CARMIL1: variants seen among roughly 807,000 people sequenced by gnomAD.
The protein encoded by CARMIL1 is capping protein regulator and myosin 1 linker 1.
A neutral mutation model predicts 177.1 loss-of-function variants in CARMIL1; 90 were observed. That is an observed-to-expected ratio of 0.51 (90% CI 0.43 to 0.61). The LOEUF is 0.61. Among genes scored for constraint, CARMIL1 ranks in the 20% least tolerant of loss-of-function variants. The pLI, the probability that CARMIL1 is intolerant of heterozygous loss-of-function variation, is 0.00. For missense variants in CARMIL1, 1,380 were observed against 1,667.0 expected (o/e 0.83, Z 3.00); for synonymous variants, 577 against 606.2 (o/e 0.95, Z 0.71).
intron 13 of CARMIL1, among the ~76,000 whole-genome samples, chr6:25,490,775 G>A (rs373634121): frequency 6.6e-6 from 1 of 152,008 alleles, no homozygotes; most frequent in Non-Finnish European, 1.5e-5. Context: ...GTCATTCTGT[G>A]TGTATGGTTA....
intron 2 of CARMIL1, among the ~76,000 whole-genome samples, chr6:25,354,765 G>A (rs1186522719): frequency 6.6e-6 from 1 of 152,164 alleles, no homozygotes; most frequent in Non-Finnish European, 1.5e-5. Flanking sequence ...TGACCTCATC[G>A]AAGACTTTTC....
chr6:25,348,345 T>C (rs1367634527), intron 2 of CARMIL1, among the ~76,000 whole-genome samples: 2 of 151,310 alleles, frequency 1.3e-5, no homozygotes, highest in Non-Finnish European at 1.5e-5. Context: ...TTGGGCAGGC[T>C]GGTCTCGAAC....
Position 25,604,876 on chromosome 6 carries a change from C to A in CARMIL1, c.3617C>A (p.Ser1206Ter). The change falls in exon 34 of 37, where the codon TCG becomes TAG. Residue 1206 changes from serine (S) to a stop codon, truncating the protein, a stop_gained. Coordinates refer to ENST00000329474, the MANE Select transcript of CARMIL1 (RefSeq NM_017640.6). LOFTEE classifies it high-confidence loss of function. Reference protein sequence around the residue: ...SSPALSGVERSDGGGAVPKLH... With the variant: ...SSPALSGVER ...CCAGCTTTGAGCGGCGTAGAACGGT[C>A]GGATGGAGGTGGGGCAGGTAAGTCA... The A allele has an allele frequency of 6.3e-7, 1 of 1,595,278 alleles. No individual in the cohort carries two copies. The highest frequency in any genetic ancestry group is 1.3e-5 in the African/African-American group (1 of 74,714).
intron 2 of CARMIL1, among the ~76,000 whole-genome samples, chr6:25,322,008 G>T (rs1355478348): frequency 6.6e-6 from 1 of 152,020 alleles, no homozygotes; most frequent in African/African-American, 2.4e-5. Flanking sequence ...TGCCTAGGCT[G>T]CGTTAGAACT....
chr6:25,520,232 TC>T lies in CARMIL1; in HGVS notation c.1875-10del, dbSNP rs1394763336. The T allele has an allele frequency of 7.7e-7, 1 of 1,296,642 alleles. No individual in the cohort carries two copies. Among genetic ancestry groups the T allele is most frequent in the Non-Finnish European group, 1.1e-6 (1 of 935,070 alleles). The allele number at this position is 1,296,642 out of a possible 1,614,324, so 80.3% of individuals were successfully genotyped here. A position where few individuals can be genotyped will look rare whatever the true frequency, so the allele number is the denominator to read the frequency against. On this transcript the variant is annotated splice_polypyrimidine_tract_variant and intron_variant, in intron 22 of 36. Coordinates refer to ENST00000329474, the MANE Select transcript of CARMIL1 (RefSeq NM_017640.6). ...ATTTTTAAATAAGTATATTATTTTC[TC>T]CTTTTTCTAGGAACTACACATTAAG...
At chr6:25,300,056 A>T (rs1416851904) in intron 2 of CARMIL1, among the ~76,000 whole-genome samples, 1 of 151,820 alleles carries the variant, frequency 6.6e-6, no homozygotes, top group African/African-American at 2.4e-5. Flanking sequence ...ACTGAGAATC[A>T]TTGGTTTAGA....
intron 2 of CARMIL1, among the ~76,000 whole-genome samples, chr6:25,319,710 G>C (rs2150234312): frequency 6.6e-6 from 1 of 150,784 alleles, no homozygotes; most frequent in Non-Finnish European, 1.5e-5. Flanking sequence ...ATAACTTCTT[G>C]AGTGAGATAA....
chr6:25,482,381 A>G (rs769970632), intron 12 of CARMIL1, 38 bp downstream of exon 12: 4 of 970,122 alleles, frequency 4.1e-6, no homozygotes, highest in Non-Finnish European at 6.2e-6. Flanking sequence ...TGTGTCTGAA[A>G]TATTTCTGCT....
chr6:25,320,881 A>G (rs1445646283), intron 2 of CARMIL1, among the ~76,000 whole-genome samples: 1 of 152,224 alleles, frequency 6.6e-6, no homozygotes, highest in Non-Finnish European at 1.5e-5. Flanking sequence ...GCTAACACTA[A>G]TGATAGCTAA....
At chr6:25,557,205 CTCTT>C (rs1265665665) in intron 29 of CARMIL1, among the ~76,000 whole-genome samples, 4 of 152,078 alleles carry the variant, frequency 2.6e-5, no homozygotes, top group African/African-American at 4.8e-5. Flanking sequence ...TATAGGGTGA[CTCTT>C]TCTTGGTCTT....
chr6:25,541,995 A>T (rs1808962938), intron 26 of CARMIL1, among the ~76,000 whole-genome samples: 2 of 152,178 alleles, frequency 1.3e-5, no homozygotes, highest in Admixed American at 1.3e-4. Flanking sequence ...TAACTCAGTG[A>T]TGCATCAAAT....
At chr6:25,502,522 C>G (rs1804492464) in intron 17 of CARMIL1, among the ~76,000 whole-genome samples, 1 of 150,056 alleles carries the variant, frequency 6.7e-6, no homozygotes, top group African/African-American at 2.5e-5. Context: ...CCAATGCACT[C>G]CAGCCCGGGC....
intron 8 of CARMIL1, chr6:25,451,986 G>GCCACCC: frequency 8.9e-6 from 1 of 112,672 alleles, no homozygotes; most frequent in South Asian, 7.1e-5. Flanking sequence ...CTAGCATCTT[G>GCCACCC]CCCCCCCCTC....
intron 24 of CARMIL1, among the ~76,000 whole-genome samples, chr6:25,531,711 C>T (rs986113187): frequency 1.3e-5 from 2 of 152,158 alleles, no homozygotes; most frequent in East Asian, 1.9e-4. Flanking sequence ...CTATTATTAA[C>T]AGGTTTTAGT....
At chr6:25,549,180 A>G (rs1402297349) in intron 26 of CARMIL1, among the ~76,000 whole-genome samples, 2 of 152,200 alleles carry the variant, frequency 1.3e-5, no homozygotes, top group Non-Finnish European at 2.9e-5. Context: ...CTCACTTAAC[A>G]TTCCACAGAA....
intron 27 of CARMIL1, among the ~76,000 whole-genome samples, chr6:25,553,159 A>G (rs1430388985): frequency 2.6e-5 from 4 of 152,104 alleles, no homozygotes; most frequent in African/African-American, 9.7e-5. Context: ...ACATGAATAT[A>G]TTTTCAACGT....
chr6:25,523,917 A>G lies in CARMIL1; in HGVS notation c.1968+3580A>G, dbSNP rs564948654. 5.9e-5 allele frequency among the ~76,000 whole-genome samples: 9 copies of G among 151,706 alleles called. No homozygotes were observed. The East Asian group carries it at 1.7e-3, about 29-fold the overall frequency. ...GCACAGACTAGCTTAAGAGCCAAAA[A>G]CTCCTAGGGGTCCAGTTTTAGGGAA... is the stretch of plus-strand genomic sequence containing the variant. On this transcript the variant is annotated intron_variant, in intron 23 of 36. Transcript: ENST00000329474.
intron 2 of CARMIL1, among the ~76,000 whole-genome samples, chr6:25,387,647 C>G (rs1287851193): frequency 6.6e-6 from 1 of 152,158 alleles, no homozygotes; most frequent in African/African-American, 2.4e-5. Flanking sequence ...TTCAGTGAGC[C>G]ATTCATGAGA....
At chr6:25,594,016 A>G (rs1197801736) in intron 31 of CARMIL1, among the ~76,000 whole-genome samples, 2 of 152,084 alleles carry the variant, frequency 1.3e-5, no homozygotes, top group Non-Finnish European at 2.9e-5. Context: ...AGCCAGCCTC[A>G]CCCACACACC....
Sources: allele counts gnomAD v4.1 joint callset (sites outside exome capture counted in the v4.1 genomes callset), GRCh38; gene constraint gnomAD v4.1.1; transcripts MANE v1.5; gene names NCBI Gene and HGNC (gene_info 2026-07-23, HGNC 2026-07-21).